Variants in ZNF106 observed in about 807,000 individuals in gnomAD.
The protein encoded by ZNF106 is zinc finger protein 106.
ZNF106 carries 67 observed loss-of-function variants against 195.1 expected under a neutral mutation model. That is an observed-to-expected ratio of 0.34 (90% CI 0.28 to 0.42). The LOEUF is 0.42. ZNF106 is among the 10% of genes least tolerant of loss of function. The pLI, the probability that ZNF106 is intolerant of heterozygous loss-of-function variation, is 1.00. For missense variants in ZNF106, 2,118 were observed against 2,304.5 expected, an observed-to-expected ratio of 0.92 and a Z score of 1.66; for synonymous variants, 784 against 818.6, an observed-to-expected ratio of 0.96 and a Z score of 0.72.
intron 1 of ZNF106, among the ~76,000 whole-genome samples, chr15:42,488,608 AAC>A (rs531878782): frequency 2.0e-5 from 3 of 152,108 alleles, no homozygotes; most frequent in Non-Finnish European, 2.9e-5. Context: ...CCAATTACAA[AAC>A]ACACAATACA....
chr15:42,473,816 C>T (rs1238819603), intron 1 of ZNF106, among the ~76,000 whole-genome samples: 1 of 152,136 alleles, frequency 6.6e-6, no homozygotes, highest in African/African-American at 2.4e-5. Context: ...GTCTGTTTCC[C>T]CTCCCTGTGA....
chr15:42,422,725 T>C (rs545743340), intron 17 of ZNF106, 105 bp from the exon 18 acceptor site: 1 of 1,154,322 alleles, frequency 8.7e-7, no homozygotes, highest in South Asian at 1.9e-5. Context: ...ACTGTACACA[T>C]ATAATTAATA....
chr15:42,457,420 A>G, intron 3 of ZNF106: 1 of 1,353,726 alleles, frequency 7.4e-7, no homozygotes, highest in South Asian at 1.7e-5. Context: ...ATCTTCTTGA[A>G]TTGCTGTACT....
chr15:42,479,320 G>A (rs931647404), intron 1 of ZNF106, among the ~76,000 whole-genome samples: 2 of 152,050 alleles, frequency 1.3e-5, no homozygotes, highest in African/African-American at 2.4e-5. Context: ...GTTGCGGTGA[G>A]CTGAGATCAT....
At chr15:42,472,601 G>C (rs971393409) in intron 1 of ZNF106, among the ~76,000 whole-genome samples, 2 of 151,936 alleles carry the variant, frequency 1.3e-5, no homozygotes, top group Non-Finnish European at 2.9e-5. Flanking sequence ...CATCCCACAC[G>C]GCATTACCCT....
rs767937713 is a variant in ZNF106 at position 42,450,135 on chromosome 15, C to G, written c.2137G>C (p.Glu713Gln). The G allele has an allele frequency of 2.5e-6, 4 of 1,614,086 alleles. No homozygotes were observed. The South Asian group carries it at 4.4e-5, about 18-fold the overall frequency. The change falls in exon 5 of 22, where the codon GAA becomes CAA. Residue 713 changes from glutamate (E) to glutamine (Q), a missense_variant. Coordinates refer to ENST00000564754, the MANE Select transcript of ZNF106 (RefSeq NM_001366845.3). ...CTAGCACTCTCAAAGCCTTCTGTTT[C>G]ATAAGATACATGAGATTTAATAGAG... Reference protein sequence around the residue: ...DDSIKSHVSYETEGFESASLD... With the variant: ...DDSIKSHVSYQTEGFESASLD...
intron 10 of ZNF106, among the ~76,000 whole-genome samples, chr15:42,440,234 T>C (rs1377662387): frequency 6.6e-6 from 1 of 152,198 alleles, no homozygotes; most frequent in Non-Finnish European, 1.5e-5. Context: ...TTAAAAAAAT[T>C]TGCTGACTTA....
intron 1 of ZNF106, among the ~76,000 whole-genome samples, chr15:42,473,264 C>T (rs951442304): frequency 6.6e-6 from 1 of 152,188 alleles, no homozygotes; most frequent in Non-Finnish European, 1.5e-5. Flanking sequence ...CCAAGCATTT[C>T]GGATAAAGGA....
In ZNF106 at chr15:42,484,322, AAAATT is replaced by A. The variant is rs1187077651; in HGVS notation, c.-33+6653_-33+6657del. 2.6e-5 allele frequency among the ~76,000 whole-genome samples: 4 copies of A among 152,262 alleles called. No individual in the cohort carries two copies. The East Asian group carries it at 5.8e-4, about 22-fold the overall frequency. On this transcript the variant is annotated intron_variant, in intron 1 of 21. Coordinates refer to ENST00000564754, the MANE Select transcript of ZNF106 (RefSeq NM_001366845.3). ...AATGTGCTAACTATAATAAAAATGA[AAAATT>A]AAAGGAAAGTGAGTTATAAAGTAAC...
chr15:42,423,198 T>C (rs1017769671), intron 17 of ZNF106, among the ~76,000 whole-genome samples: 1 of 151,760 alleles, frequency 6.6e-6, no homozygotes, highest in African/African-American at 2.4e-5. Context: ...CAAGACTCCA[T>C]CTCTACAAAA....
intron 4 of ZNF106, among the ~76,000 whole-genome samples, chr15:42,456,379 T>A (rs949385882): frequency 2.0e-5 from 3 of 152,152 alleles, no homozygotes; most frequent in Non-Finnish European, 4.4e-5. Flanking sequence ...ACAGGTACGG[T>A]GGCTCACGCC....
At chr15:42,485,373 T>C (rs1376823199) in intron 1 of ZNF106, among the ~76,000 whole-genome samples, 1 of 152,182 alleles carries the variant, frequency 6.6e-6, no homozygotes, top group Admixed American at 6.5e-5. Flanking sequence ...CCTCAAAAAA[T>C]GCTGTTTCAT....
At chr15:42,465,403 T>C (rs1202442496) in intron 3 of ZNF106, among the ~76,000 whole-genome samples, 1 of 152,030 alleles carries the variant, frequency 6.6e-6, no homozygotes, top group Non-Finnish European at 1.5e-5. Context: ...CTTAGCCTCC[T>C]AAATAGCTGG....
chr15:42,452,835 G>A (rs1220069620), intron 4 of ZNF106, among the ~76,000 whole-genome samples: 1 of 151,538 alleles, frequency 6.6e-6, no homozygotes, highest in Non-Finnish European at 1.5e-5. Context: ...ACAGGCATGC[G>A]CCACCACACC....
chr15:42,443,784 C>T (rs1024771462), intron 9 of ZNF106, among the ~76,000 whole-genome samples: 2 of 151,672 alleles, frequency 1.3e-5, no homozygotes, highest in African/African-American at 2.4e-5. Context: ...ATAACATGAC[C>T]TTTTCATGAC....
chr15:42,418,065 T>C (rs758592216), intron 20 of ZNF106, 114 bp from the exon 21 acceptor site: 15 of 1,137,178 alleles, frequency 1.3e-5, no homozygotes, highest in Middle Eastern at 2.6e-4. Flanking sequence ...CAGCCCCTTA[T>C]TTCAAATTTA....
intron 3 of ZNF106, 148 bp from the exon 4 acceptor site, chr15:42,457,306 C>G (rs928516373): frequency 1.1e-5 from 16 of 1,509,394 alleles, no homozygotes; most frequent in Non-Finnish European, 1.3e-5. Context: ...CCTTTCATCA[C>G]TTTTAATAAG....
Position 42,435,481 on chromosome 15 carries a change from G to C in ZNF106, c.4784C>G (p.Ser1595Cys), listed in dbSNP as rs115784933. ...AGTAACCAGGAGGCAGTTAACTTTGGAGGTATGACCCTCAAAGACACCAAT... is the reference window on the plus strand; with the variant it reads ...AGTAACCAGGAGGCAGTTAACTTTGCAGGTATGACCCTCAAAGACACCAAT... ...KCIGVFEGHT[S>C]KVNCLLVTQT... The change falls in exon 14 of 22, where the codon TCC becomes TGC. Residue 1595 changes from serine to cysteine, a missense_variant. Ser to Cys is a moderately radical substitution (Grantham distance 112). Coordinates refer to ENST00000564754, the MANE Select transcript of ZNF106 (RefSeq NM_001366845.3). 1.1e-3 allele frequency: 1,812 copies of C among 1,614,144 alleles called. 19 individuals are homozygous for C. In the African/African-American group the frequency reaches 0.023, roughly 20 times the overall value.
At chr15:42,462,546 C>T (rs977893981) in intron 3 of ZNF106, among the ~76,000 whole-genome samples, 2 of 151,618 alleles carry the variant, frequency 1.3e-5, no homozygotes, top group South Asian at 2.1e-4. Flanking sequence ...TGCAGTGAGC[C>T]GAGATCACAC....
Sources: allele counts gnomAD v4.1 joint callset (sites outside exome capture counted in the v4.1 genomes callset), GRCh38; gene constraint gnomAD v4.1.1; transcripts MANE v1.5; gene names NCBI Gene and HGNC (gene_info 2026-07-23, HGNC 2026-07-21).